EP400: variants seen among roughly 807,000 people sequenced by gnomAD.
EP400 encodes E1A-binding protein p400.
In EP400, 105 loss-of-function variants were observed where a neutral mutation model predicts 354.1. The ratio of observed to expected loss-of-function variants is 0.30; its 90% CI spans 0.25 to 0.35. The LOEUF is 0.35. EP400 is among the 10% of genes least tolerant of loss of function. The pLI is 1.00. For missense variants in EP400, 3,280 were observed against 4,121.0 expected (o/e 0.80, Z 5.59); for synonymous variants, 1,646 against 1,716.9 (o/e 0.96, Z 1.02).
At chr12:131,970,597 T>C (rs576764328) in intron 2 of EP400, among the ~76,000 whole-genome samples, 5 of 152,332 alleles carry the variant, frequency 3.3e-5, no homozygotes, top group East Asian at 3.9e-4. Flanking sequence ...GGAGTACTAA[T>C]AGAGCACCCA....
rs1036423773 is a variant in EP400, at chr12:132,036,291, C to T, written c.5952-1391C>T. Among the ~76,000 whole-genome samples the T allele has an allele frequency of 5.4e-5, 8 of 147,584 alleles. No homozygotes were observed. In the East Asian group the frequency reaches 1.0e-3, roughly 19 times the overall value. ...TGGGAAGGACACACCCAGGTTCGCACGGAATGTCGTGGAAGCACACACCCA... is the reference window on the plus strand; with the variant it reads ...TGGGAAGGACACACCCAGGTTCGCATGGAATGTCGTGGAAGCACACACCCA... On this transcript the variant is annotated intron_variant, in intron 30 of 52. Coordinates refer to ENST00000389561, the MANE Select transcript of EP400 (RefSeq NM_015409.5).
At chr12:132,058,227 A>T (rs1399615119) in intron 45 of EP400, among the ~76,000 whole-genome samples, 2 of 151,710 alleles carry the variant, frequency 1.3e-5, no homozygotes, top group Non-Finnish European at 2.9e-5. Context: ...AACACAAAAG[A>T]TATTAACAGA....
intron 30 of EP400, 132 bp from the exon 31 acceptor site, chr12:132,037,550 G>T (rs978060570): frequency 1.4e-6 from 1 of 708,230 alleles, no homozygotes; most frequent in East Asian, 2.7e-5. Context: ...GGTGCCCCAC[G>T]AAGGCATGTT....
At position 132,059,844 on chromosome 12, in the gene EP400, G is replaced by A. The variant is rs1450375650; in HGVS notation, c.7885-2266G>A. 4.0e-5 allele frequency among the ~76,000 whole-genome samples: 6 copies of A among 151,536 alleles called. No homozygotes were observed. The South Asian group carries it at 8.3e-4, about 21-fold the overall frequency. On this transcript the variant is annotated intron_variant, in intron 45 of 52. Transcript: ENST00000389561. ...ATTCTGGCTAACACGGTGAAACCCCGTGTCTACAGAAAATACAAAAAAAAA... is the reference window on the plus strand; with the variant it reads ...ATTCTGGCTAACACGGTGAAACCCCATGTCTACAGAAAATACAAAAAAAAA...
Position 131,979,693 on chromosome 12 carries a change from G to C in EP400, c.1336-1G>C. 1 of 1,599,150 alleles carries C rather than the reference G, an allele frequency of 6.3e-7. No individual in the cohort carries two copies. The highest frequency in any genetic ancestry group is 8.5e-7 in the Non-Finnish European group (1 of 1,174,492). ...TCTCATTTTTTCATCTTTTTTCCCA[G>C]CAGCAAGCCCTCGCAGGGAGCCTGG... On this transcript the variant is annotated splice_acceptor_variant, in intron 2 of 52. Transcript: ENST00000389561. LOFTEE classifies it high-confidence loss of function.
chr12:132,008,614 T>C (rs1893663012), intron 15 of EP400, among the ~76,000 whole-genome samples: 1 of 151,338 alleles, frequency 6.6e-6, no homozygotes, highest in Non-Finnish European at 1.5e-5. Context: ...AGAGTCTTGC[T>C]CTTTCACCCA....
chr12:131,960,711 A>ACCCCC lies in EP400; in HGVS notation c.96_97insCCCCC (p.Asn33ProfsTer31). On this transcript the variant is annotated frameshift_variant, in exon 2 of 53. Transcript: ENST00000389561. LOFTEE classifies it high-confidence loss of function. ...AGCGAGGGTGAGGAGCAGCCGGCCCACCCCAACCCACCCCCGTCCCCCGCA... is the reference window on the plus strand; with the variant it reads ...AGCGAGGGTGAGGAGCAGCCGGCCCACCCCCCCCCAACCCACCCCCGTCCCCCGCA... The ACCCCC allele has an allele frequency of 7.3e-6, 1 of 136,578 alleles. No individual in the cohort carries two copies. The highest frequency in any genetic ancestry group is 8.0e-5 in the South Asian group (1 of 12,518). 8.5% of individuals were successfully genotyped at this position (136,578 alleles called of 1,614,324 possible). A position where few individuals can be genotyped will look rare whatever the true frequency, so the allele number is the denominator to read the frequency against.
intron 2 of EP400, among the ~76,000 whole-genome samples, chr12:131,967,373 T>A (rs554943103): frequency 2.1e-4 from 32 of 150,604 alleles, no homozygotes; most frequent in African/African-American, 7.8e-4. Flanking sequence ...AGAGCAAGAC[T>A]CTGACTCAAA....
At chr12:131,973,546 G>A (rs1205494101) in intron 2 of EP400, among the ~76,000 whole-genome samples, 1 of 152,198 alleles carries the variant, frequency 6.6e-6, no homozygotes, top group Non-Finnish European at 1.5e-5. Flanking sequence ...GAGAGGCTGA[G>A]GCAGGAGAAT....
chr12:132,069,781 C>T, intron 51 of EP400, 140 bp downstream of exon 51: 1 of 1,310,786 alleles, frequency 7.6e-7, no homozygotes, highest in Non-Finnish European at 1.0e-6. Context: ...TGTCTCCTGG[C>T]CTCAGGTTTC....
chr12:132,000,132 G>T (rs1449664020), intron 12 of EP400, among the ~76,000 whole-genome samples: 5 of 151,500 alleles, frequency 3.3e-5, no homozygotes, highest in African/African-American at 4.8e-5. Context: ...ACATTTAAGG[G>T]TCTGAATTTT....
At chr12:132,011,914 A>G (rs1893779932) in intron 16 of EP400, among the ~76,000 whole-genome samples, 2 of 152,146 alleles carry the variant, frequency 1.3e-5, no homozygotes, top group East Asian at 3.9e-4. Context: ...CGAAAATGGT[A>G]TTCTCTGGGA....
At position 132,038,784 on chromosome 12, in the gene EP400, T is replaced by C. The variant is rs1167534499; in HGVS notation, c.6207+688T>C. On this transcript the variant is annotated intron_variant, in intron 32 of 52. Transcript: ENST00000389561. The surrounding 1 kb of genome is among the most constrained non-coding windows in gnomAD (Gnocchi z 4.2). Reference sequence around the variant, plus strand: ...CCCCGTGGCTTGCCCGCCAAAGCCCTGCAGCCCCACGTCCTGGAGATGGAG... The same window carrying C: ...CCCCGTGGCTTGCCCGCCAAAGCCCCGCAGCCCCACGTCCTGGAGATGGAG... Among the ~76,000 whole-genome samples, 4 of 152,170 alleles carry C rather than the reference T, an allele frequency of 2.6e-5. No homozygotes were observed. The highest frequency in any genetic ancestry group is 7.2e-5 in the African/African-American group (3 of 41,434).
intron 39 of EP400, among the ~76,000 whole-genome samples, chr12:132,047,670 A>G (rs971989025): frequency 2.6e-5 from 4 of 152,244 alleles, no homozygotes; most frequent in Admixed American, 2.6e-4. Context: ...GACCAGGGCG[A>G]AATTAAAATT....
intron 45 of EP400, among the ~76,000 whole-genome samples, chr12:132,056,302 A>G (rs932623238): frequency 1.8e-4 from 27 of 152,130 alleles, no homozygotes; most frequent in African/African-American, 6.3e-4. Flanking sequence ...TTTGAAAAGC[A>G]TCTTTCCTGT....
In EP400 at chr12:131,990,179, G is replaced by A; in HGVS notation, c.2550+75G>A. On this transcript the variant is annotated intron_variant, in intron 8 of 52. Transcript: ENST00000389561. This position sits in a 1 kb window ranked among gnomAD's most constrained non-coding sequence, Gnocchi z 4.2. ...GGTGAGGCCACTTCCCGAGACCAGA[G>A]CTCGGGCACCTTGCTTAGGAAGCTT... 3 of 1,515,444 alleles carry A rather than the reference G, an allele frequency of 2.0e-6. No homozygotes were observed. The highest frequency in any genetic ancestry group is 2.7e-6 in the Non-Finnish European group (3 of 1,130,046). 93.9% of individuals were successfully genotyped at this position (1,515,444 alleles called of 1,614,324 possible). A position where few individuals can be genotyped will look rare whatever the true frequency, so the allele number is the denominator to read the frequency against.
At chr12:132,062,052 G>C (rs1025143445) in intron 45 of EP400, 58 bp from the exon 46 acceptor site, 4 of 1,481,886 alleles carry the variant, frequency 2.7e-6, no homozygotes, top group Non-Finnish European at 3.7e-6. Flanking sequence ...CTCTGAGTGT[G>C]AACAGCCCTG....
intron 45 of EP400, among the ~76,000 whole-genome samples, chr12:132,057,112 T>C (rs891068234): frequency 6.6e-6 from 1 of 152,160 alleles, no homozygotes; most frequent in African/African-American, 2.4e-5. Context: ...AACAGTTTCT[T>C]ATAAAACCAA....
In EP400 at chr12:131,961,582, C is replaced by T. The variant is rs1208675127; in HGVS notation, c.963C>T (p.Ser321=). Residue 321 remains serine, a synonymous_variant, in exon 2 of 53, where the codon AGC becomes AGT. Transcript: ENST00000389561. ...TGACGTCCCCACCCCCGCCCACCAG[C>T]CCTTCCAGGACTGCCGTGCCCCCAG... The part of the protein sequence containing the change: ...FGMTSPPPPT[S]PSRTAVPPGL... 8 of 1,549,016 alleles carry T rather than the reference C, an allele frequency of 5.2e-6. No homozygotes were observed. Among genetic ancestry groups the T allele is most frequent in the South Asian group, 1.2e-5 (1 of 85,738 alleles).
Sources: gnomAD v4.1 joint callset for allele counts (sites outside exome capture counted in the v4.1 genomes callset) on GRCh38, gnomAD v4.1.1 for gene constraint, Gnocchi (gnomAD v3.1) non-coding constraint, MANE v1.5 for transcripts, NCBI Gene and HGNC (gene_info 2026-07-23, HGNC 2026-07-21) for gene names.